Variants in TGFBR3 observed in about 807,000 individuals in gnomAD.
TGFBR3 encodes the protein transforming growth factor beta receptor type 3.
Under a neutral mutation model 87.9 loss-of-function variants are expected in TGFBR3, and 46 were observed. The ratio of observed to expected loss-of-function variants is 0.52; its 90% CI spans 0.41 to 0.67. The LOEUF (loss-of-function observed/expected upper bound fraction) is 0.67, where lower values mean the gene tolerates loss of function less well. Among genes scored for constraint, TGFBR3 ranks in the 30% least tolerant of loss-of-function variants. TGFBR3 has a pLI of 0.00. For synonymous variants in TGFBR3, 381 were observed against 391.6 expected, an observed-to-expected ratio of 0.97 and a Z score of 0.32; for missense variants, 866 against 1,041.9, an observed-to-expected ratio of 0.83 and a Z score of 2.32.
At chr1:91,811,934 C>T (rs1676045285) in intron 2 of TGFBR3, among the ~76,000 whole-genome samples, 1 of 150,062 alleles carries the variant, frequency 6.7e-6, no homozygotes, top group Non-Finnish European at 1.5e-5. Flanking sequence ...AAAGTAACTG[C>T]TGTTTTTCAG....
intron 2 of TGFBR3, among the ~76,000 whole-genome samples, chr1:91,850,101 AAAAG>A (rs1553172941): frequency 1.4e-5 from 2 of 138,490 alleles, no homozygotes; most frequent in Admixed American, 7.5e-5. Flanking sequence ...AAAAAAAAAA[AAAAG>A]AAAGAAAAAG....
At chr1:91,881,778 G>A (rs1047762425) in intron 1 of TGFBR3, among the ~76,000 whole-genome samples, 6 of 152,150 alleles carry the variant, frequency 3.9e-5, no homozygotes, top group Non-Finnish European at 5.9e-5. Flanking sequence ...AGTCGCTCAC[G>A]CCTATAATCC....
chr1:91,875,925 A>G (rs975965643), intron 1 of TGFBR3, among the ~76,000 whole-genome samples: 19 of 151,370 alleles, frequency 1.3e-4, no homozygotes, highest in African/African-American at 2.2e-4. Flanking sequence ...AAAAAAAAAA[A>G]AAAAGAAAGA....
intron 4 of TGFBR3, among the ~76,000 whole-genome samples, chr1:91,744,368 G>A (rs539619106): frequency 2.8e-4 from 43 of 152,268 alleles, no homozygotes; most frequent in African/African-American, 6.7e-4. Flanking sequence ...TTACAGGCAC[G>A]AGGAGCCATG....
intron 14 of TGFBR3, among the ~76,000 whole-genome samples, chr1:91,706,219 G>T (rs761280270): frequency 1.3e-5 from 2 of 152,268 alleles, no homozygotes; most frequent in East Asian, 3.9e-4. Context: ...AAATGAGGCC[G>T]AGGCCTATTG....
chr1:91,811,084 G>A (rs1250841494), intron 2 of TGFBR3, among the ~76,000 whole-genome samples: 2 of 152,344 alleles, frequency 1.3e-5, no homozygotes, highest in East Asian at 1.9e-4. Context: ...GCCAGGGTGG[G>A]AGGATTGTTT....
intron 3 of TGFBR3, among the ~76,000 whole-genome samples, chr1:91,768,068 CG>C (rs1396262596): frequency 6.6e-6 from 1 of 151,950 alleles, no homozygotes; most frequent in Non-Finnish European, 1.5e-5. Context: ...CAAAATTAGC[CG>C]GGTGTGGTGG....
In TGFBR3 at chr1:91,721,709, C is replaced by T. The variant is rs1441788071; in HGVS notation, c.1075+246G>A. 2.0e-5 allele frequency among the ~76,000 whole-genome samples: 3 copies of T among 152,072 alleles called. No individual in the cohort carries two copies. In the East Asian group the frequency reaches 5.8e-4, roughly 29 times the overall value. On this transcript the variant is annotated intron_variant, in intron 8 of 16. Transcript: ENST00000212355. ...CTCGGAGAGAAGAACCTAATGTAAT[C>T]ACACTAAAGATAACCTATAACAAAG...
chr1:91,705,684 C>A (rs538449036), intron 14 of TGFBR3, among the ~76,000 whole-genome samples: 2 of 152,282 alleles, frequency 1.3e-5, no homozygotes, highest in South Asian at 4.1e-4. Context: ...AGAAAACTTA[C>A]CCCAGTAAGC....
chr1:91,682,425 TAA>T lies in TGFBR3; in HGVS notation c.*1312_*1313del. ...CATTCTTTTTTTTTTTTTTTTTTTT[TAA>T]CAAGGAGGTATCACTGAGCTTATTT... On this transcript the variant is annotated 3_prime_UTR_variant, in exon 17 of 17. Coordinates refer to ENST00000212355, the MANE Select transcript of TGFBR3 (RefSeq NM_003243.5). The T allele has an allele frequency of 2.4e-6, 1 of 421,116 alleles. No homozygotes were observed. The highest frequency in any genetic ancestry group is 1.7e-5 in the South Asian group (1 of 57,620). 26.1% of individuals were successfully genotyped at this position (421,116 alleles called of 1,614,324 possible).
chr1:91,681,325 C>T lies in TGFBR3; in HGVS notation c.*2414G>A, dbSNP rs917639230. 34 of 444,424 alleles carry T rather than the reference C, an allele frequency of 7.7e-5. No homozygotes were observed. Among genetic ancestry groups the T allele is most frequent in the Admixed American group, 1.5e-4 (6 of 40,980 alleles). 27.5% of individuals were successfully genotyped at this position (444,424 alleles called of 1,614,324 possible). On this transcript the variant is annotated 3_prime_UTR_variant, in exon 17 of 17. Transcript: ENST00000212355. ...TCTCCAATATGAGATTAGGTTTTAT[C>T]GACACAGATTTCTTGATCTGAATAA...
intron 14 of TGFBR3, among the ~76,000 whole-genome samples, chr1:91,706,227 T>C (rs774451818): frequency 5.3e-5 from 8 of 152,202 alleles, no homozygotes; most frequent in Non-Finnish European, 7.3e-5. Flanking sequence ...CCGAGGCCTA[T>C]TGTGCTGCAT....
rs983278998 is a variant in TGFBR3 at position 91,875,792 on chromosome 1, G to C, written c.-114+10086C>G. On this transcript the variant is annotated intron_variant, in intron 1 of 16. Coordinates refer to ENST00000212355, the MANE Select transcript of TGFBR3 (RefSeq NM_003243.5). ...AATCCCAGCTACTCGGGCGGGGGGG[G>C]GGGGTGGGAGTGTGCAGCTGAGGGA... 4.7e-4 allele frequency among the ~76,000 whole-genome samples: 27 copies of C among 57,852 alleles called. 6 individuals are homozygous for C. In the East Asian group the frequency reaches 0.01, roughly 22 times the overall value. 38.0% of individuals were successfully genotyped at this position (57,852 alleles called of 152,430 possible).
At position 91,683,767 on chromosome 1, in the gene TGFBR3, G is replaced by A. The variant is rs188809339; in HGVS notation, c.2528C>T (p.Thr843Met). The change falls in exon 17 of 17, where the codon ACG becomes ATG. Residue 843 changes from threonine (T) to methionine (M), a missense_variant. By Grantham distance (81) the Thr-to-Met change is moderately conservative (BLOSUM62 -1). Transcript: ENST00000212355. ...GGCCGTGCTGCTGCTGGAGCAAGGCGTGCTCTGCGTGCTGCCGATGCTGTG... is the reference window on the plus strand; with the variant it reads ...GGCCGTGCTGCTGCTGGAGCAAGGCATGCTCTGCGTGCTGCCGATGCTGTG... ...AAHSIGSTQS[T>M]PCSSSSTA is the part of the protein sequence containing the mutation. 6 of 1,597,198 alleles carry A rather than the reference G, an allele frequency of 3.8e-6. No homozygotes were observed. The highest frequency in any genetic ancestry group is 1.7e-4 in the Middle Eastern group (1 of 5,736).
At position 91,903,913 on chromosome 1, in the gene TGFBR3, C is replaced by G. The variant is rs2996475; in HGVS notation, c.-175+1913G>C. Among the ~76,000 whole-genome samples the G allele has an allele frequency of 4.9e-3, 753 of 152,280 alleles. 4 individuals are homozygous for G. Among genetic ancestry groups the G allele is most frequent in the African/African-American group, 0.018 (729 of 41,560 alleles). On this transcript the variant is annotated intron_variant, in intron 1 of 17. Coordinates refer to the TGFBR3 transcript ENST00000370399. ...AACTGGCCAGGCATGGTGGCTCACG[C>G]CTATAATCCTAGCACTTTGGGAGGC...
At chr1:91,872,942 T>C (rs933809579) in intron 1 of TGFBR3, among the ~76,000 whole-genome samples, 3 of 151,646 alleles carry the variant, frequency 2.0e-5, no homozygotes, top group African/African-American at 4.9e-5. Flanking sequence ...TTCCCCGAGA[T>C]TGATGGTTTT....
intron 2 of TGFBR3, among the ~76,000 whole-genome samples, chr1:91,809,003 G>A (rs939433437): frequency 1.3e-5 from 2 of 152,302 alleles, no homozygotes; most frequent in Non-Finnish European, 2.9e-5. Context: ...CAAAATAACT[G>A]AAGGATAGTA....
intron 2 of TGFBR3, among the ~76,000 whole-genome samples, chr1:91,845,023 G>A (rs1220523912): frequency 1.3e-5 from 2 of 152,176 alleles, no homozygotes; most frequent in Non-Finnish European, 2.9e-5. Flanking sequence ...CAGAGTAAAC[G>A]TAGGGGATGC....
At chr1:91,806,405 CTTTAAA>C (rs1214793681) in intron 2 of TGFBR3, among the ~76,000 whole-genome samples, 3 of 152,112 alleles carry the variant, frequency 2.0e-5, no homozygotes, top group Non-Finnish European at 2.9e-5. Flanking sequence ...GCTGCACAGA[CTTTAAA>C]TTTAATCAGT....
Sources: gnomAD v4.1 joint callset for allele counts (sites outside exome capture counted in the v4.1 genomes callset) on GRCh38, gnomAD v4.1.1 for gene constraint, MANE v1.5 for transcripts, NCBI Gene and HGNC (gene_info 2026-07-23, HGNC 2026-07-21) for gene names.